The following SCD5 variants were observed in gnomAD, a reference collection of about 807,000 sequenced individuals.
SCD5 encodes acyl-CoA-desaturase 4.
A neutral mutation model predicts 30.4 loss-of-function variants in SCD5; 20 were observed. That is an observed-to-expected ratio of 0.66 (90% CI 0.46 to 0.96). The LOEUF (loss-of-function observed/expected upper bound fraction) is 0.96, where lower values mean the gene tolerates loss of function less well. SCD5 is among the 40% of genes least tolerant of loss of function. The pLI, the probability that SCD5 is intolerant of heterozygous loss-of-function variation, is 0.00. For synonymous variants in SCD5, 173 were observed against 176.4 expected, an observed-to-expected ratio of 0.98 and a Z score of 0.16; for missense variants, 381 against 443.3, an observed-to-expected ratio of 0.86 and a Z score of 1.26.
At chr4:82,733,471 C>G (rs892136280) in intron 1 of SCD5, among the ~76,000 whole-genome samples, 4 of 152,190 alleles carry the variant, frequency 2.6e-5, no homozygotes, top group African/African-American at 9.7e-5. Flanking sequence ...GCTGTGCCCA[C>G]CTACCTCATA....
chr4:82,732,710 G>A (rs1252757670), intron 1 of SCD5, among the ~76,000 whole-genome samples: 5 of 152,186 alleles, frequency 3.3e-5, no homozygotes, highest in African/African-American at 9.7e-5. Flanking sequence ...GAGAGGTTCT[G>A]GGGAAGCTCC....
At chr4:82,792,045 G>A (rs1560564982) in intron 1 of SCD5, among the ~76,000 whole-genome samples, 1 of 151,350 alleles carries the variant, frequency 6.6e-6, no homozygotes. Context: ...ATCACCTGAG[G>A]TCGGGAGTTT....
intron 1 of SCD5, among the ~76,000 whole-genome samples, chr4:82,733,151 G>A (rs1427652346): frequency 1.3e-5 from 2 of 152,122 alleles, no homozygotes; most frequent in East Asian, 3.8e-4. Context: ...AAGTAACTGG[G>A]CGTACTCACA....
At chr4:82,748,202 C>T (rs1478887743) in intron 1 of SCD5, among the ~76,000 whole-genome samples, 1 of 151,952 alleles carries the variant, frequency 6.6e-6, no homozygotes, top group Admixed American at 6.6e-5. Flanking sequence ...TAGACAGAGT[C>T]AAAGCAGGGA....
At chr4:82,631,665 G>A in intron 4 of SCD5, 148 bp from the exon 5 acceptor site, 1 of 711,916 alleles carries the variant, frequency 1.4e-6, no homozygotes, top group Non-Finnish European at 2.3e-6. Flanking sequence ...GACTCCAAAG[G>A]CATTGACTTA....
intron 3 of SCD5, among the ~76,000 whole-genome samples, chr4:82,663,189 G>A (rs932929828): frequency 6.6e-6 from 1 of 152,132 alleles, no homozygotes; most frequent in African/African-American, 2.4e-5. Context: ...ACCCATCCAA[G>A]GAGAGACAGT....
intron 1 of SCD5, among the ~76,000 whole-genome samples, chr4:82,783,414 G>A (rs1184370050): frequency 6.6e-6 from 1 of 152,192 alleles, no homozygotes; most frequent in African/African-American, 2.4e-5. Flanking sequence ...AAGAGGACAT[G>A]GCAAAGATGC....
In SCD5 at chr4:82,724,621, A is replaced by C. The variant is rs143603800; in HGVS notation, c.233-19208T>G. ...AAAAGAATAATATAAAAAGATATACATGGTGGCCGTGATTAGCTCTTCCCT... is the reference window on the plus strand; with the variant it reads ...AAAAGAATAATATAAAAAGATATACCTGGTGGCCGTGATTAGCTCTTCCCT... On this transcript the variant is annotated intron_variant, in intron 1 of 4. Coordinates refer to ENST00000319540, the MANE Select transcript of SCD5 (RefSeq NM_001037582.3). Among the ~76,000 whole-genome samples, 665 of 152,318 alleles carry C rather than the reference A, an allele frequency of 4.4e-3. 3 individuals are homozygous for C. The highest frequency in any genetic ancestry group is 0.014 in the African/African-American group (572 of 41,580).
chr4:82,784,893 C>G (rs1721953111), intron 1 of SCD5, among the ~76,000 whole-genome samples: 1 of 152,172 alleles, frequency 6.6e-6, no homozygotes, highest in African/African-American at 2.4e-5. Flanking sequence ...CCCTTTAGCT[C>G]CTGGATTGTT....
At chr4:82,737,098 C>T (rs1720768230) in intron 1 of SCD5, among the ~76,000 whole-genome samples, 1 of 152,076 alleles carries the variant, frequency 6.6e-6, no homozygotes, top group Non-Finnish European at 1.5e-5. Context: ...TACTACACTT[C>T]GCCATGTTGC....
chr4:82,711,410 G>A (rs1720083568), intron 1 of SCD5, among the ~76,000 whole-genome samples: 1 of 152,218 alleles, frequency 6.6e-6, no homozygotes, highest in Admixed American at 6.5e-5. Context: ...ATGCACGGAA[G>A]CTGCCTATGT....
chr4:82,778,470 C>T (rs1721800132), intron 1 of SCD5, among the ~76,000 whole-genome samples: 1 of 152,218 alleles, frequency 6.6e-6, no homozygotes, highest in Non-Finnish European at 1.5e-5. Flanking sequence ...GGCTGCAATT[C>T]TTTGGAAGGA....
At chr4:82,721,966 A>G (rs965555505) in intron 1 of SCD5, among the ~76,000 whole-genome samples, 5 of 152,266 alleles carry the variant, frequency 3.3e-5, no homozygotes, top group African/African-American at 1.2e-4. Flanking sequence ...GCTTAGCATC[A>G]GTAACACTGG....
At chr4:82,687,850 T>A (rs1183259740) in intron 2 of SCD5, among the ~76,000 whole-genome samples, 1 of 152,230 alleles carries the variant, frequency 6.6e-6, no homozygotes, top group Non-Finnish European at 1.5e-5. Context: ...AGCTTCCTTT[T>A]ATGTTCAAAA....
At chr4:82,708,817 G>A (rs1425841794) in intron 1 of SCD5, among the ~76,000 whole-genome samples, 1 of 152,154 alleles carries the variant, frequency 6.6e-6, no homozygotes, top group African/African-American at 2.4e-5. Context: ...CCCTTCAAGA[G>A]CCATCCCTGA....
In SCD5 at chr4:82,631,125, C is replaced by CAAAA; in HGVS notation, c.*198_*201dup. ...GACTCTGTCTCAAAAACAAAACAAA[C>CAAAA]AAAAAAAAAAACGAAAGTTTTTTCA... On this transcript the variant is annotated 3_prime_UTR_variant, in exon 5 of 5. Transcript: ENST00000319540. The CAAAA allele has an allele frequency of 1.2e-5, 5 of 416,440 alleles. No homozygotes were observed. The highest frequency in any genetic ancestry group is 2.1e-5 in the Non-Finnish European group (5 of 240,134). 25.8% of individuals were successfully genotyped at this position (416,440 alleles called of 1,614,324 possible).
intron 3 of SCD5, among the ~76,000 whole-genome samples, chr4:82,643,940 A>G (rs1339468553): frequency 1.3e-5 from 2 of 152,216 alleles, no homozygotes; most frequent in African/African-American, 4.8e-5. Flanking sequence ...CTGTTGAGCC[A>G]CTGAACTAAC....
chr4:82,645,354 G>T (rs968560109), intron 3 of SCD5, among the ~76,000 whole-genome samples: 1 of 151,588 alleles, frequency 6.6e-6, no homozygotes, highest in African/African-American at 2.4e-5. Context: ...GAACTAGAGG[G>T]AAGGGGTGGG....
chr4:82,653,706 A>ATAGATAGATAGG, intron 3 of SCD5, among the ~76,000 whole-genome samples: 1 of 20,292 alleles, frequency 4.9e-5, no homozygotes, highest in Middle Eastern at 0.025. Context: ...AGATAGATAG[A>ATAGATAGATAGG]TATAGATAGA....
Sources: gnomAD v4.1 joint callset for allele counts (sites outside exome capture counted in the v4.1 genomes callset) on GRCh38, gnomAD v4.1.1 for gene constraint, MANE v1.5 for transcripts, NCBI Gene and HGNC (gene_info 2026-07-23, HGNC 2026-07-21) for gene names.